Variants in ZNF676 observed in about 807,000 individuals in gnomAD.
ZNF676 encodes zinc finger protein 676.
In ZNF676, 4 loss-of-function variants were observed where a neutral mutation model predicts 6.0. That is an observed-to-expected ratio of 0.67 (90% CI 0.33 to 1.53). The LOEUF (loss-of-function observed/expected upper bound fraction) is 1.53, where lower values mean the gene tolerates loss of function less well. ZNF676 is among the 40% of genes most tolerant of loss of function. ZNF676 has a pLI of 0.06. For missense variants in ZNF676, 644 were observed against 679.7 expected (o/e 0.95, Z 0.58); for synonymous variants, 198 against 223.1 (o/e 0.89, Z 1.00).
chr19:22,222,941 A>G, the ZNF676 span, among the ~76,000 whole-genome samples: 16 of 152,312 alleles, frequency 1.1e-4, no homozygotes, highest in Middle Eastern at 6.8e-3. Flanking sequence ...GCCTTTCACC[A>G]AGTACTAGAG....
upstream of ZNF676, among the ~76,000 whole-genome samples, chr19:22,218,984 C>G (rs1033174987): frequency 8.0e-6 from 1 of 124,654 alleles, no homozygotes; most frequent in Non-Finnish European, 1.7e-5. Context: ...TATGGAGGCT[C>G]TCTTTTTATT....
chr19:22,208,012 A>G (rs950284518), intron 1 of ZNF676, among the ~76,000 whole-genome samples: 27 of 151,562 alleles, frequency 1.8e-4, no homozygotes, highest in African/African-American at 6.5e-4. Context: ...AAACCCTGGA[A>G]GATAAGAAGT....
rs544125505 is a variant in ZNF676 at position 22,192,768 on chromosome 19, G to T, written c.130+248C>A. ...CAGATTGCACTCTCTTGTATGCCAT[G>T]AACAGTACTTTGGCTATCACTGTAA... On this transcript the variant is annotated intron_variant, in intron 2 of 2. Transcript: ENST00000397121. Among the ~76,000 whole-genome samples, 5 of 152,256 alleles carry T rather than the reference G, an allele frequency of 3.3e-5. No individual in the cohort carries two copies. In the East Asian group the frequency reaches 9.6e-4, roughly 29 times the overall value.
the ZNF676 span, among the ~76,000 whole-genome samples, chr19:22,245,648 G>A: frequency 2.2e-4 from 33 of 151,870 alleles, 1 homozygote; most frequent in South Asian, 6.2e-4. Context: ...TGCTAGGTTC[G>A]GTGATATATC....
At chr19:22,230,943 C>T in the ZNF676 span, among the ~76,000 whole-genome samples, 4 of 151,636 alleles carry the variant, frequency 2.6e-5, no homozygotes, top group African/African-American at 9.7e-5. Flanking sequence ...CAGGCATGAG[C>T]CACTGTGCCT....
the ZNF676 span, among the ~76,000 whole-genome samples, chr19:22,247,284 C>G: frequency 1.1e-4 from 16 of 152,230 alleles, no homozygotes; most frequent in Non-Finnish European, 2.9e-5. Context: ...AAGGGGTTGG[C>G]CAGGCACGGC....
rs941510945 is a variant in ZNF676, at chr19:22,205,792, C to T, written c.4-9066G>A. Among the ~76,000 whole-genome samples the T allele has an allele frequency of 6.6e-5, 10 of 151,694 alleles. 1 individual carries two copies. The highest frequency in any genetic ancestry group is 5.9e-4 in the Admixed American group (9 of 15,224). On this transcript the variant is annotated intron_variant, in intron 1 of 3. Coordinates refer to the ZNF676 transcript ENST00000650058. ...AATCAGCCCCTAAGCTAGCAAAAGA[C>T]AAGAAATAACCAAAATCAGATCTGA...
At chr19:22,232,667 C>T in the ZNF676 span, among the ~76,000 whole-genome samples, 1 of 151,836 alleles carries the variant, frequency 6.6e-6, no homozygotes, top group Admixed American at 6.6e-5. Context: ...ACCTGTTAGG[C>T]CAAAATAGAA....
rs1365476506 is a variant in ZNF676, at chr19:22,180,635, C to G, written c.1082G>C (p.Gly361Ala). ...TCCTTCACATTTGTAGGGTTTCTCT[C>G]CAGTATGAATAATCTTATGTTTAGT... is the stretch of plus-strand genomic sequence containing the variant. ...ILTKHKIIHT[G>A]EKPYKCEGCG... Residue 361 changes from glycine to alanine, a missense_variant, in exon 3 of 3, where the codon GGA becomes GCA. Gly to Ala is a moderately conservative substitution (Grantham distance 60). Around this residue, in one of 5 missense-constraint regions of ZNF676, gnomAD observed 306 missense variants for 265.4 expected, o/e 1.15. Transcript: ENST00000397121. 2 of 1,612,502 alleles carry G rather than the reference C, an allele frequency of 1.2e-6. No individual in the cohort carries two copies. Among genetic ancestry groups the G allele is most frequent in the East Asian group, 4.5e-5 (2 of 44,792 alleles).
chr19:22,236,126 C>T, the ZNF676 span, among the ~76,000 whole-genome samples: 484 of 151,894 alleles, frequency 3.2e-3, 6 homozygotes, highest in African/African-American at 0.011. Context: ...AATCCCTCCA[C>T]GGATGCAATA....
intron 1 of ZNF676, among the ~76,000 whole-genome samples, chr19:22,214,248 T>C (rs1159284785): frequency 6.6e-6 from 1 of 152,192 alleles, no homozygotes; most frequent in East Asian, 1.9e-4. Context: ...AGCAGTTCCC[T>C]GTGGGGTGTG....
the ZNF676 span, among the ~76,000 whole-genome samples, chr19:22,254,148 G>C: frequency 8.5e-5 from 13 of 152,298 alleles, no homozygotes; most frequent in South Asian, 6.2e-4. Flanking sequence ...TCAGAAACCA[G>C]GCAGAAGTCA....
chr19:22,206,236 G>C (rs1355545531), intron 1 of ZNF676, among the ~76,000 whole-genome samples: 1 of 151,934 alleles, frequency 6.6e-6, no homozygotes, highest in African/African-American at 2.4e-5. Flanking sequence ...ATTTCTACCA[G>C]AACAATTTCA....
At chr19:22,226,329 T>C in the ZNF676 span, among the ~76,000 whole-genome samples, 1 of 152,054 alleles carries the variant, frequency 6.6e-6, no homozygotes, top group Non-Finnish European at 1.5e-5. Context: ...TGTTTTGAAA[T>C]GGGAAAGTTT....
intron 1 of ZNF676, among the ~76,000 whole-genome samples, chr19:22,211,366 T>A (rs1335167550): frequency 6.6e-6 from 1 of 152,152 alleles, no homozygotes; most frequent in Non-Finnish European, 1.5e-5. Flanking sequence ...CTCCGTTTGC[T>A]AGCTCAAAAT....
At chr19:22,215,104 T>C (rs933535667) in intron 1 of ZNF676, among the ~76,000 whole-genome samples, 56 of 151,582 alleles carry the variant, frequency 3.7e-4, no homozygotes, top group African/African-American at 1.2e-3. Flanking sequence ...TAACCAATTA[T>C]TGAATGTGGT....
chr19:22,257,429 T>C, the ZNF676 span, among the ~76,000 whole-genome samples: 3 of 152,008 alleles, frequency 2.0e-5, no homozygotes, highest in South Asian at 4.2e-4. Flanking sequence ...GTAAAAGAGG[T>C]GAGTCACATC....
At chr19:22,212,690 G>C (rs1483975972) in intron 1 of ZNF676, among the ~76,000 whole-genome samples, 1 of 151,414 alleles carries the variant, frequency 6.6e-6, no homozygotes, top group African/African-American at 2.4e-5. Flanking sequence ...GGGCGACAGA[G>C]GAAAACACTG....
At chr19:22,197,447 TA>T (rs1308305152), upstream of ZNF676, among the ~76,000 whole-genome samples, 23 of 150,074 alleles carry the variant, frequency 1.5e-4, no homozygotes, top group African/African-American at 5.7e-4. Context: ...TGCAATAAGC[TA>T]GAGATCCTGT....
Sources: gnomAD v4.1 joint callset for allele counts (sites outside exome capture counted in the v4.1 genomes callset) on GRCh38, gnomAD v4.1.1 for gene constraint, gnomAD v4.1.1 regional missense constraint, MANE v1.5 for transcripts, NCBI Gene and HGNC (gene_info 2026-07-23, HGNC 2026-07-21) for gene names.